Variants in PRKCA observed in about 807,000 individuals in gnomAD.
PRKCA encodes protein kinase C alpha, also known as protein kinase C alpha type.
A neutral mutation model predicts 87.0 loss-of-function variants in PRKCA; 27 were observed. That is an observed-to-expected ratio of 0.31 (90% CI 0.23 to 0.43). PRKCA has a LOEUF of 0.43. Ranked by LOEUF, PRKCA falls within the 20% of genes least tolerant of loss-of-function variation. PRKCA has a pLI of 1.00. For missense variants in PRKCA, 518 were observed against 852.3 expected, an observed-to-expected ratio of 0.61 and a Z score of 4.88; for synonymous variants, 329 against 311.1, an observed-to-expected ratio of 1.06 and a Z score of -0.61.
intron 13 of PRKCA, among the ~76,000 whole-genome samples, chr17:66,752,087 GTACTGC>G (rs1974443696): frequency 6.6e-6 from 1 of 152,158 alleles, no homozygotes; most frequent in Non-Finnish European, 1.5e-5. Context: ...TCTGGCTACA[GTACTGC>G]TATTTTAAGA....
chr17:66,772,062 A>G (rs1014391299), intron 13 of PRKCA, among the ~76,000 whole-genome samples: 1 of 152,214 alleles, frequency 6.6e-6, no homozygotes, highest in Non-Finnish European at 1.5e-5. Flanking sequence ...AATTCAGTCC[A>G]GTCCTTTTGG....
chr17:66,678,240 G>A (rs972205210), intron 5 of PRKCA, among the ~76,000 whole-genome samples: 1 of 152,222 alleles, frequency 6.6e-6, no homozygotes, highest in Admixed American at 6.5e-5. Flanking sequence ...ACCACTGGAA[G>A]GTGGAAGAGG....
At chr17:66,356,277 T>C (rs1908043909) in intron 2 of PRKCA, among the ~76,000 whole-genome samples, 1 of 152,156 alleles carries the variant, frequency 6.6e-6, no homozygotes, top group Non-Finnish European at 1.5e-5. Context: ...GACTTTTTTC[T>C]TTTCATTTTC....
At chr17:66,650,981 G>A (rs889262305) in intron 5 of PRKCA, among the ~76,000 whole-genome samples, 1 of 152,164 alleles carries the variant, frequency 6.6e-6, no homozygotes, top group Admixed American at 6.5e-5. Context: ...GTGGTCTTTG[G>A]GGGAGAATTC....
intron 16 of PRKCA, among the ~76,000 whole-genome samples, chr17:66,793,206 T>TTGAGGACCGTCAGCTCAG (rs1055057570): frequency 6.6e-6 from 1 of 152,088 alleles, no homozygotes; most frequent in Non-Finnish European, 1.5e-5. Context: ...GGTCAGCTCA[T>TTGAGGACCGTCAGCTCAG]TGAGGACCGT....
At chr17:66,796,338 C>A in intron 16 of PRKCA, 1 of 673,804 alleles carries the variant, frequency 1.5e-6, no homozygotes, top group Non-Finnish European at 1.8e-6. Context: ...TCCGCATCAG[C>A]TCACGTGGGT....
chr17:66,321,802 C>G (rs1038955143), intron 2 of PRKCA, among the ~76,000 whole-genome samples: 1 of 152,108 alleles, frequency 6.6e-6, no homozygotes, highest in Non-Finnish European at 1.5e-5. Context: ...CCTCAGCCTC[C>G]CAAAGTGCTG....
chr17:66,404,407 A>G (rs1439645327), intron 2 of PRKCA, among the ~76,000 whole-genome samples: 3 of 152,168 alleles, frequency 2.0e-5, no homozygotes, highest in Non-Finnish European at 1.5e-5. Flanking sequence ...TTCCTATGAT[A>G]ATACATTGCA....
chr17:66,540,346 G>T (rs1226440126), intron 3 of PRKCA, among the ~76,000 whole-genome samples: 2 of 152,252 alleles, frequency 1.3e-5, no homozygotes, highest in African/African-American at 2.4e-5. Flanking sequence ...AAAAGAGGGG[G>T]CGGAGAGGGA....
rs184117690 is a variant in PRKCA at position 66,702,182 on chromosome 17, T to G, written c.918+13135T>G. Among the ~76,000 whole-genome samples, 146 of 151,866 alleles carry G rather than the reference T, an allele frequency of 9.6e-4. 1 individual carries two copies. Among genetic ancestry groups the G allele is most frequent in the East Asian group, 9.5e-3 (49 of 5,164 alleles). On this transcript the variant is annotated intron_variant, in intron 8 of 16. Transcript: ENST00000413366. ...CACATATATACATGTAAAGGCTCAATTGTGTATACACATATATGTATATGT... is the reference window on the plus strand; with the variant it reads ...CACATATATACATGTAAAGGCTCAAGTGTGTATACACATATATGTATATGT...
intron 14 of PRKCA, among the ~76,000 whole-genome samples, chr17:66,779,175 G>A (rs1439180788): frequency 6.6e-6 from 1 of 152,180 alleles, no homozygotes; most frequent in Non-Finnish European, 1.5e-5. Context: ...TCGTTGACAG[G>A]GTTTTGGTCT....
At chr17:66,318,259 G>C (rs902328890) in intron 2 of PRKCA, among the ~76,000 whole-genome samples, 21 of 152,070 alleles carry the variant, frequency 1.4e-4, no homozygotes, top group African/African-American at 4.3e-4. Flanking sequence ...ATGAGGCTTT[G>C]TTTCTGTATA....
Position 66,801,702 on chromosome 17 carries a change from G to A in PRKCA, c.1855-2171G>A, listed in dbSNP as rs375225151. ...TTCCAAGGAAATACACCATGGAAAC[G>A]TGGGGTGTGAGAGTGGAAGCTTTGC... is the stretch of plus-strand genomic sequence containing the variant. On this transcript the variant is annotated intron_variant, in intron 16 of 16. Transcript: ENST00000413366. Among the ~76,000 whole-genome samples the A allele has an allele frequency of 1.2e-4, 19 of 152,340 alleles. No individual in the cohort carries two copies. In the East Asian group the frequency reaches 1.4e-3, roughly 11 times the overall value.
At chr17:66,537,867 A>G (rs1256802449) in intron 3 of PRKCA, among the ~76,000 whole-genome samples, 1 of 152,052 alleles carries the variant, frequency 6.6e-6, no homozygotes, top group Non-Finnish European at 1.5e-5. Context: ...GTGCATTGGC[A>G]TGATCTCGGC....
At chr17:66,647,201 TG>T in intron 5 of PRKCA, among the ~76,000 whole-genome samples, 1 of 152,112 alleles carries the variant, frequency 6.6e-6, no homozygotes, top group Non-Finnish European at 1.5e-5. Context: ...AAACCATGTA[TG>T]GGGGGAGCAG....
In PRKCA at chr17:66,395,371, A is replaced by G. The variant is rs143461027; in HGVS notation, c.205+89244A>G. Among the ~76,000 whole-genome samples, 335 of 152,360 alleles carry G rather than the reference A, an allele frequency of 2.2e-3. 1 individual carries two copies. The highest frequency in any genetic ancestry group is 7.7e-3 in the African/African-American group (319 of 41,586). ...AATGTAACTTATAACCGGTATGTTC[A>G]TAATGTTACCATTATAATATATATA... On this transcript the variant is annotated intron_variant, in intron 2 of 16. Coordinates refer to ENST00000413366, the MANE Select transcript of PRKCA (RefSeq NM_002737.3).
chr17:66,554,204 C>T (rs61762386), intron 3 of PRKCA, among the ~76,000 whole-genome samples: 33,498 of 151,226 alleles, frequency 0.22, 3,794 homozygotes, highest in Admixed American at 0.28. Flanking sequence ...TTGCTCTAGA[C>T]CAGCTTGGGC....
intron 5 of PRKCA, among the ~76,000 whole-genome samples, chr17:66,648,062 A>G (rs1031423437): frequency 1.3e-5 from 2 of 152,190 alleles, no homozygotes; most frequent in Non-Finnish European, 2.9e-5. Context: ...GCCCCAGCAG[A>G]TTCAGTGTCT....
chr17:66,790,546 C>T lies in PRKCA; in HGVS notation c.1854+1567C>T, dbSNP rs1445022303. Among the ~76,000 whole-genome samples, 8 of 151,902 alleles carry T rather than the reference C, an allele frequency of 5.3e-5. No homozygotes were observed. In the South Asian group the frequency reaches 8.3e-4, roughly 16 times the overall value. ...TTAGGGATTATTTTTTTTTCCTCTT[C>T]TGCCTTTAATATTTATTTGTTGTCT... On this transcript the variant is annotated intron_variant, in intron 16 of 16. Transcript: ENST00000413366.
Sources: gnomAD v4.1 joint callset for allele counts (sites outside exome capture counted in the v4.1 genomes callset) on GRCh38, gnomAD v4.1.1 for gene constraint, MANE v1.5 for transcripts, NCBI Gene and HGNC (gene_info 2026-07-23, HGNC 2026-07-21) for gene names.